The following ABCF3 variants were observed in gnomAD, a reference collection of about 807,000 sequenced individuals.
ABCF3 encodes the protein ATP-binding cassette sub-family F member 3.
Under a neutral mutation model 94.3 loss-of-function variants are expected in ABCF3, and 62 were observed. That is an observed-to-expected ratio of 0.66 (90% CI 0.54 to 0.81). The LOEUF (loss-of-function observed/expected upper bound fraction) is 0.81. Among genes scored for constraint, ABCF3 ranks in the 40% least tolerant of loss-of-function variants. The probability of loss-of-function intolerance (pLI) is 0.00; values close to 1 mark genes in which losing one functional copy is unlikely to be tolerated. For synonymous variants in ABCF3, 355 were observed against 361.1 expected, an observed-to-expected ratio of 0.98 and a Z score of 0.19; for missense variants, 843 against 925.3, an observed-to-expected ratio of 0.91 and a Z score of 1.15.
intron 7 of ABCF3, 29 bp downstream of exon 7, chr3:184,188,436 G>T: frequency 6.3e-7 from 1 of 1,588,484 alleles, no homozygotes; most frequent in Non-Finnish European, 8.6e-7. Context: ...GGAGTAACTA[G>T]CAGCCGCTGT....
chr3:184,189,892 C>T lies in ABCF3; in HGVS notation c.1352C>T (p.Ala451Val), dbSNP rs1335260183. ...CGGTTTCGCTACAATGCCAACAGGG[C>T]CTCTCAAGTGCAGAGTAAACTCAAG... Reference protein sequence around the residue: ...IDRFRYNANRASQVQSKLKML... With the variant: ...IDRFRYNANRVSQVQSKLKML... The change falls in exon 14 of 21, where the codon GCC (alanine) becomes GTC (valine). Residue 451 changes from alanine (A) to valine (V), a missense_variant. Transcript: ENST00000429586. 6.2e-7 allele frequency: 1 copy of T among 1,614,092 alleles called. No homozygotes were observed. Among genetic ancestry groups the T allele is most frequent in the African/African-American group, 1.3e-5 (1 of 74,926 alleles).
At chr3:184,188,058 T>A in intron 6 of ABCF3, 75 bp downstream of exon 6, 2 of 1,612,468 alleles carry the variant, frequency 1.2e-6, no homozygotes, top group Non-Finnish European at 8.5e-7. Context: ...GAAACGGGGC[T>A]ATAAACAATG....
chr3:184,193,167 C>G lies in ABCF3; in HGVS notation c.1816C>G (p.Arg606Gly). The G allele has an allele frequency of 6.4e-7, 1 of 1,568,596 alleles. No homozygotes were observed. Among genetic ancestry groups the G allele is most frequent in the Non-Finnish European group, 8.6e-7 (1 of 1,157,878 alleles). The stretch of plus-strand genomic sequence containing the variant: ...TGGCATCTCCGGAGAACTGGCCATG[C>G]GTCCTCTTGCCAGCCTGTCTGGGGG... ...RYGISGELAM[R>G]PLASLSGGQK... The change falls in exon 19 of 21, where the codon CGT becomes GGT. Residue 606 changes from arginine (R) to glycine (G), a missense_variant. Transcript: ENST00000429586. The surrounding 1 kb of genome is among the most constrained non-coding windows in gnomAD (Gnocchi z 5.2).
rs570028294 is a variant in ABCF3, at chr3:184,187,570, G to A, written c.349-94G>A. 7 of 1,546,220 alleles carry A rather than the reference G, an allele frequency of 4.5e-6. No individual in the cohort carries two copies. The Admixed American group carries it at 8.4e-5, about 19-fold the overall frequency. ...CTGAGCCTTTGAGTCTGTTCATCATGGGTAAGTTAAGAGGGTTTACTCGAG... is the reference window on the plus strand; with the variant it reads ...CTGAGCCTTTGAGTCTGTTCATCATAGGTAAGTTAAGAGGGTTTACTCGAG... On this transcript the variant is annotated intron_variant, in intron 4 of 20. Transcript: ENST00000429586.
At chr3:184,192,742 C>T in intron 17 of ABCF3, 53 bp downstream of exon 17, 1 of 1,606,766 alleles carries the variant, frequency 6.2e-7, no homozygotes, top group Non-Finnish European at 8.5e-7. Context: ...GGCACCCATG[C>T]TGCCTGCGCT....
At position 184,193,269 on chromosome 3, in the gene ABCF3, A is replaced by G. The variant is rs747149668; in HGVS notation, c.1883+35A>G. The G allele has an allele frequency of 3.8e-6, 6 of 1,592,552 alleles. No homozygotes were observed. The highest frequency in any genetic ancestry group is 5.1e-6 in the Non-Finnish European group (6 of 1,168,902). On this transcript the variant is annotated intron_variant, in intron 19 of 20. Transcript: ENST00000429586. This position sits in a 1 kb window ranked among gnomAD's most constrained non-coding sequence, Gnocchi z 5.2. The stretch of plus-strand genomic sequence containing the variant: ...CATTTTCCAGAGCTCTTCCCCTCCC[A>G]TTTCCCCTTCTTGCCCAGTAGAAAA...
In ABCF3 at chr3:184,188,215, G is replaced by T; in HGVS notation, c.644G>T (p.Gly215Val). ...GGGCTGGTGGGGCGGAATGGGTTGG[G>T]GAAGACAACGTTACTGAAGATGCTG... is the stretch of plus-strand genomic sequence containing the variant. Reference protein sequence around the residue: ...RYGLVGRNGLGKTTLLKMLAT... With the variant: ...RYGLVGRNGLVKTTLLKMLAT... The change falls in exon 7 of 21, where the codon GGG (glycine) becomes GTG (valine). Residue 215 changes from glycine to valine, a missense_variant. Transcript: ENST00000429586. The T allele has an allele frequency of 6.2e-7, 1 of 1,614,104 alleles. No individual in the cohort carries two copies. The highest frequency in any genetic ancestry group is 8.5e-7 in the Non-Finnish European group (1 of 1,180,036).
Position 184,193,517 on chromosome 3 carries a change from C to A in ABCF3, c.1972-23C>A. The A allele has an allele frequency of 6.2e-7, 1 of 1,614,134 alleles. No individual in the cohort carries two copies. Among genetic ancestry groups the A allele is most frequent in the Non-Finnish European group, 8.5e-7 (1 of 1,179,994 alleles). On this transcript the variant is annotated intron_variant, in intron 20 of 20. Coordinates refer to ENST00000429586, the MANE Select transcript of ABCF3 (RefSeq NM_018358.3). The surrounding 1 kb of genome is among the most constrained non-coding windows in gnomAD (Gnocchi z 5.2). ...GGTGCCTCTTGTGTCCCCCTGAGCA[C>A]CTCCTGCCCTCCTGTCTTTCAGGGT...
At position 184,193,654 on chromosome 3, in the gene ABCF3, C is replaced by T. The variant is rs762669825; in HGVS notation, c.2086C>T (p.Arg696Cys). The stretch of plus-strand genomic sequence containing the variant: ...TGTGGAAGGAGGATTTGACCAGTAC[C>T]GCGCCCTCCTCCAGGAACAGTTCCG... Reference protein sequence around the residue: ...TRVEGGFDQYRALLQEQFRRE... With the variant: ...TRVEGGFDQYCALLQEQFRRE... Residue 696 changes from arginine (R) to cysteine (C), a missense_variant, in exon 21 of 21, where the codon CGC becomes TGC. By Grantham distance (180) the Arg-to-Cys change is radical (BLOSUM62 -3). Coordinates refer to ENST00000429586, the MANE Select transcript of ABCF3 (RefSeq NM_018358.3). This position sits in a 1 kb window ranked among gnomAD's most constrained non-coding sequence, Gnocchi z 5.2. 52 of 1,613,906 alleles carry T rather than the reference C, an allele frequency of 3.2e-5. No homozygotes were observed. The highest frequency in any genetic ancestry group is 2.8e-4 in the African/African-American group (21 of 74,910).
At position 184,189,592 on chromosome 3, in the gene ABCF3, C is replaced by T. The variant is rs775341255; in HGVS notation, c.1149C>T (p.Asp383=). ...CCACCATCCTAGTCGTCTCCCACGA[C>T]CGCAACTTCTTGAATGCCATCGCCA... ...WPSTILVVSH[D]RNFLNAIATD... Residue 383 remains aspartate (D), a synonymous_variant, in exon 13 of 21, where the codon GAC becomes GAT. Coordinates refer to ENST00000429586, the MANE Select transcript of ABCF3 (RefSeq NM_018358.3). The T allele has an allele frequency of 1.1e-5, 17 of 1,614,106 alleles. No individual in the cohort carries two copies.
Position 184,189,843 on chromosome 3 carries a change from C to G in ABCF3, c.1315-12C>G. 6.2e-7 allele frequency: 1 copy of G among 1,614,190 alleles called. No individual in the cohort carries two copies. The highest frequency in any genetic ancestry group is 1.3e-5 in the African/African-American group (1 of 75,056). On this transcript the variant is annotated splice_polypyrimidine_tract_variant and intron_variant, in intron 13 of 20. Transcript: ENST00000429586. ...GGGAATTTGACCAATGCCTACACTC[C>G]TCCACCTGCAGGTTTTCATTGACCG...
intron 3 of ABCF3, 22 bp from the exon 4 acceptor site, chr3:184,187,375 C>G: frequency 6.2e-7 from 1 of 1,613,860 alleles, no homozygotes; most frequent in Non-Finnish European, 8.5e-7. Context: ...GAGAAGGTGA[C>G]TGCTTTTCTT....
intron 3 of ABCF3, 35 bp downstream of exon 3, chr3:184,186,910 C>G (rs771659238): frequency 1.3e-6 from 2 of 1,594,556 alleles, no homozygotes; most frequent in South Asian, 2.3e-5. Flanking sequence ...AACTGCCCCC[C>G]TGTGCTTTTC....
At position 184,187,679 on chromosome 3, in the gene ABCF3, A is replaced by C. The variant is rs772905856; in HGVS notation, c.364A>C (p.Lys122Gln). 3.7e-6 allele frequency: 6 copies of C among 1,614,186 alleles called. No homozygotes were observed. The highest frequency in any genetic ancestry group is 1.1e-5 in the South Asian group (1 of 91,080). ...GGACCCTTAGACAGTGAATGCAAAG[A>C]AGTTAGAGAAGGCCGAGGCTCGACT... ...REQSSTVNAK[K>Q]LEKAEARLKA... The change falls in exon 5 of 21, where the codon AAG becomes CAG. Residue 122 changes from lysine to glutamine, a missense_variant. By Grantham distance (53) the Lys-to-Gln change is moderately conservative. Transcript: ENST00000429586.
In ABCF3 at chr3:184,189,558, C is replaced by T. The variant is rs199952896; in HGVS notation, c.1115C>T (p.Thr372Met). The change falls in exon 13 of 21, where the codon ACG becomes ATG. Residue 372 changes from threonine to methionine, a missense_variant and splice_region_variant. Physicochemically the swap from Thr to Met is moderately conservative, Grantham distance 81. Transcript: ENST00000429586. ...AILWLENYLQ[T>M]WPSTILVVSH... ...GCCTGCTGTCCTGTGACCCCTCAGA[C>T]GTGGCCCTCCACCATCCTAGTCGTC... 2.0e-5 allele frequency: 33 copies of T among 1,614,008 alleles called. No individual in the cohort carries two copies. The East Asian group carries it at 3.6e-4, about 17-fold the overall frequency.
chr3:184,187,694 G>A lies in ABCF3; in HGVS notation c.379G>A (p.Glu127Lys), dbSNP rs766166794. Residue 127 changes from glutamate (E) to lysine (K), a missense_variant, in exon 5 of 21, where the codon GAG becomes AAG. Transcript: ENST00000429586. ...TVNAKKLEKA[E>K]ARLKAKQEKR... ...GAATGCAAAGAAGTTAGAGAAGGCC[G>A]AGGCTCGACTTAAGGCAAAGCAGGA... 14 of 1,614,224 alleles carry A rather than the reference G, an allele frequency of 8.7e-6. No homozygotes were observed. The highest frequency in any genetic ancestry group is 2.2e-5 in the East Asian group (1 of 44,886).
Position 184,193,697 on chromosome 3 carries a change from A to G in ABCF3, c.2129A>G (p.Ter710TrpextTer22). 6.2e-7 allele frequency: 1 copy of G among 1,604,380 alleles called. No individual in the cohort carries two copies. Among genetic ancestry groups the G allele is most frequent in the Non-Finnish European group, 8.5e-7 (1 of 1,174,736 alleles). ...QEQFRREGFL* is the reference protein window; with the variant it reads ...QEQFRREGFLW Reference sequence around the variant, plus strand: ...CAGTTCCGCCGCGAAGGCTTCCTCTAGGGCCACCAGGCTGAGGACTCGCCC... The same window carrying G: ...CAGTTCCGCCGCGAAGGCTTCCTCTGGGGCCACCAGGCTGAGGACTCGCCC... The change falls in exon 21 of 21, where the codon TAG becomes TGG. Residue 710 changes from the stop codon to tryptophan, a stop_lost. Coordinates refer to ENST00000429586, the MANE Select transcript of ABCF3 (RefSeq NM_018358.3). This position sits in a 1 kb window ranked among gnomAD's most constrained non-coding sequence, Gnocchi z 5.2.
At chr3:184,186,675 G>A in intron 2 of ABCF3, 21 bp downstream of exon 2, 7 of 1,597,256 alleles carry the variant, frequency 4.4e-6, no homozygotes, top group Non-Finnish European at 6.0e-6. Flanking sequence ...GGGAGTAGGG[G>A]TTGATGGGGG....
In ABCF3 at chr3:184,192,906, G is replaced by A. The variant is rs977121967; in HGVS notation, c.1750+10G>A. 6.2e-7 allele frequency: 1 copy of A among 1,613,648 alleles called. No individual in the cohort carries two copies. The highest frequency in any genetic ancestry group is 8.5e-7 in the Non-Finnish European group (1 of 1,179,858). On this transcript the variant is annotated intron_variant, in intron 18 of 20. Coordinates refer to ENST00000429586, the MANE Select transcript of ABCF3 (RefSeq NM_018358.3). ...GCACGCAAGTTTCCTGGTGAGTTAG[G>A]GATTTGAGTCGGGGGAAGAGTTTGA...
Sources: gnomAD v4.1 joint callset for allele counts on GRCh38, gnomAD v4.1.1 for gene constraint, Gnocchi (gnomAD v3.1) non-coding constraint, MANE v1.5 for transcripts, NCBI Gene and HGNC (gene_info 2026-07-23, HGNC 2026-07-21) for gene names.